TEX9: variants seen among roughly 807,000 people sequenced by gnomAD.
The protein encoded by TEX9 is testis-expressed protein 9.
TEX9 carries 74 observed loss-of-function variants against 59.6 expected under a neutral mutation model. That is an observed-to-expected ratio of 1.24 (90% CI 1.03 to 1.51). The LOEUF is 1.51. Among genes scored for constraint, TEX9 ranks in the 40% most tolerant of loss-of-function variants. The probability of loss-of-function intolerance (pLI) is 0.00; values close to 1 mark genes in which losing one functional copy is unlikely to be tolerated. For synonymous variants in TEX9, 186 were observed against 152.2 expected (o/e 1.22, Z -1.64); for missense variants, 522 against 447.8 (o/e 1.17, Z -1.49).
chr15:56,264,874 G>A (rs2044344664), intron 1 of TEX9, among the ~76,000 whole-genome samples: 1 of 152,106 alleles, frequency 6.6e-6, no homozygotes, highest in African/African-American at 2.4e-5. Flanking sequence ...TTTTCTCTAT[G>A]GAATTGCCTT....
In TEX9 at chr15:56,315,159, T is replaced by A. The variant is rs1221693483; in HGVS notation, c.-106-58282T>A. On this transcript the variant is annotated intron_variant, in intron 1 of 5. Transcript: ENST00000560827. ...AATTTAGTCCATTTACATTTAAAGTTAGTATTGTTATGTGTGAATTTGATC... is the reference window on the plus strand; with the variant it reads ...AATTTAGTCCATTTACATTTAAAGTAAGTATTGTTATGTGTGAATTTGATC... 1.1e-3 allele frequency among the ~76,000 whole-genome samples: 159 copies of A among 147,942 alleles called. 1 individual carries two copies. Among genetic ancestry groups the A allele is most frequent in the African/African-American group, 3.6e-3 (145 of 40,352 alleles).
At chr15:56,458,284 CT>C in the TEX9 span, among the ~76,000 whole-genome samples, 1 of 151,646 alleles carries the variant, frequency 6.6e-6, no homozygotes, top group Non-Finnish European at 1.5e-5. Context: ...GTTCCAGAGC[CT>C]TAAAAAAAAT....
At chr15:56,264,351 G>T (rs2044332437) in intron 1 of TEX9, among the ~76,000 whole-genome samples, 1 of 152,068 alleles carries the variant, frequency 6.6e-6, no homozygotes, top group East Asian at 1.9e-4. Context: ...ACCTTTTTAT[G>T]TCCCTATATG....
chr15:56,392,348 G>A (rs1201323061), intron 7 of TEX9, among the ~76,000 whole-genome samples: 1 of 152,170 alleles, frequency 6.6e-6, no homozygotes, highest in African/African-American at 2.4e-5. Context: ...CAAACAGGGA[G>A]TGAGGCATCT....
the TEX9 span, among the ~76,000 whole-genome samples, chr15:56,451,242 C>T: frequency 6.6e-6 from 1 of 152,134 alleles, no homozygotes; most frequent in South Asian, 2.1e-4. Context: ...AACAGATATA[C>T]CCAACAATTT....
chr15:56,458,283 C>T, the TEX9 span, among the ~76,000 whole-genome samples: 1 of 151,682 alleles, frequency 6.6e-6, no homozygotes, highest in African/African-American at 2.4e-5. Context: ...AGTTCCAGAG[C>T]CTTAAAAAAA....
At chr15:56,339,769 C>G (rs558514094) in intron 1 of TEX9, among the ~76,000 whole-genome samples, 3 of 151,948 alleles carry the variant, frequency 2.0e-5, no homozygotes, top group East Asian at 1.9e-4. Context: ...CATGGCAGAG[C>G]CTTCATGAAT....
At chr15:56,278,157 C>A (rs1210358123) in intron 1 of TEX9, among the ~76,000 whole-genome samples, 1 of 152,050 alleles carries the variant, frequency 6.6e-6, no homozygotes, top group Non-Finnish European at 1.5e-5. Context: ...TCATTTTAAT[C>A]TCCTTGTATG....
At chr15:56,258,330 C>G (rs774245324) in intron 1 of TEX9, among the ~76,000 whole-genome samples, 1 of 151,946 alleles carries the variant, frequency 6.6e-6, no homozygotes, top group Non-Finnish European at 1.5e-5. Context: ...GTGAAGAAGT[C>G]GATGGTAGTT....
chr15:56,300,422 C>G (rs1596073606), intron 1 of TEX9, among the ~76,000 whole-genome samples: 1 of 152,266 alleles, frequency 6.6e-6, no homozygotes, highest in East Asian at 1.9e-4. Flanking sequence ...CTGGACCCAC[C>G]CTGGGCTCAG....
chr15:56,280,033 T>C (rs2044777321), intron 1 of TEX9, among the ~76,000 whole-genome samples: 1 of 152,252 alleles, frequency 6.6e-6, no homozygotes, highest in Non-Finnish European at 1.5e-5. Context: ...ACTGATATTC[T>C]ACAGTGTACT....
downstream of TEX9, among the ~76,000 whole-genome samples, chr15:56,448,656 T>C (rs2050925324): frequency 6.6e-6 from 1 of 152,198 alleles, no homozygotes; most frequent in Non-Finnish European, 1.5e-5. Flanking sequence ...CTGGATTAAT[T>C]CCATGTCTTT....
chr15:56,413,342 ATAAT>A (rs1246769658), intron 10 of TEX9, among the ~76,000 whole-genome samples: 5 of 139,044 alleles, frequency 3.6e-5, no homozygotes, highest in African/African-American at 1.0e-4. Flanking sequence ...ACAATATTTA[ATAAT>A]TAAAACAATT....
chr15:56,300,116 G>T (rs765663058), intron 1 of TEX9, among the ~76,000 whole-genome samples: 1 of 152,092 alleles, frequency 6.6e-6, no homozygotes, highest in African/African-American at 2.4e-5. Flanking sequence ...TTTTTGAACC[G>T]CCCTGGACCA....
chr15:56,391,130 TATA>T (rs1288293453), intron 6 of TEX9, 110 bp from the exon 7 acceptor site: 9 of 543,148 alleles, frequency 1.7e-5, no homozygotes, highest in Non-Finnish European at 2.6e-5. Context: ...AATTTAAATT[TATA>T]ATAATTTTGA....
At chr15:56,271,842 T>A (rs1374165620) in intron 1 of TEX9, among the ~76,000 whole-genome samples, 4 of 152,172 alleles carry the variant, frequency 2.6e-5, no homozygotes, top group Non-Finnish European at 4.4e-5. Flanking sequence ...TAAAACATTT[T>A]AAAAATGTAC....
At chr15:56,426,859 A>G (rs1245560758) in intron 10 of TEX9, among the ~76,000 whole-genome samples, 1 of 151,608 alleles carries the variant, frequency 6.6e-6, no homozygotes, top group African/African-American at 2.4e-5. Flanking sequence ...GAGCTTATCC[A>G]GTCCATTTTT....
At chr15:56,388,657 C>A (rs1012695209) in intron 5 of TEX9, 137 bp downstream of exon 5, 2 of 615,278 alleles carry the variant, frequency 3.3e-6, no homozygotes, top group East Asian at 2.7e-5. Flanking sequence ...CAGAGGGATG[C>A]ATTTGTGAAG....
At chr15:56,269,033 T>G (rs1278864639) in intron 1 of TEX9, among the ~76,000 whole-genome samples, 1 of 152,196 alleles carries the variant, frequency 6.6e-6, no homozygotes, top group Non-Finnish European at 1.5e-5. Flanking sequence ...GAGATTCAGC[T>G]TCTTCCTTGT....
Sources: allele counts gnomAD v4.1 joint callset (sites outside exome capture counted in the v4.1 genomes callset), GRCh38; gene constraint gnomAD v4.1.1; transcripts MANE v1.5; gene names NCBI Gene and HGNC (gene_info 2026-07-23, HGNC 2026-07-21).